Variants in BRAF observed in about 807,000 individuals in gnomAD.
BRAF encodes B-Raf proto-oncogene, serine/threonine kinase, also known as serine/threonine-protein kinase B-raf.
BRAF carries 16 observed loss-of-function variants against 104.6 expected under a neutral mutation model. The observed-to-expected ratio is 0.15, with a 90% confidence interval of 0.10 to 0.23. The LOEUF (loss-of-function observed/expected upper bound fraction) is 0.23. Among genes scored for constraint, BRAF ranks in the 10% least tolerant of loss-of-function variants. BRAF has a pLI of 1.00. For synonymous variants in BRAF, 310 were observed against 341.6 expected (o/e 0.91, Z 1.02); for missense variants, 541 against 937.3 (o/e 0.58, Z 5.52).
chr7:140,908,786 C>T (rs754785844), intron 1 of BRAF, among the ~76,000 whole-genome samples: 1 of 151,156 alleles, frequency 6.6e-6, no homozygotes, highest in Non-Finnish European at 1.5e-5. Context: ...TTGACTGTCA[C>T]TTTAGATGAA....
intron 1 of BRAF, among the ~76,000 whole-genome samples, chr7:140,913,614 C>T (rs1417512584): frequency 6.6e-6 from 1 of 150,970 alleles, no homozygotes; most frequent in Non-Finnish European, 1.5e-5. Context: ...TCCAGAGTAG[C>T]TGGGATTACA....
At chr7:140,884,425 A>T (rs867621063) in intron 1 of BRAF, among the ~76,000 whole-genome samples, 12 of 108,352 alleles carry the variant, frequency 1.1e-4, no homozygotes, top group African/African-American at 4.0e-4. Context: ...TATATATATA[A>T]GATATGTGTG....
chr7:140,803,323 G>C (rs2129045436), intron 5 of BRAF, among the ~76,000 whole-genome samples: 1 of 152,308 alleles, frequency 6.6e-6, no homozygotes, highest in Middle Eastern at 3.4e-3. Flanking sequence ...GAGTGGAATT[G>C]GGGGTGGGAG....
intron 17 of BRAF, 119 bp downstream of exon 16, chr7:140,749,168 G>A: frequency 7.2e-7 from 1 of 1,385,952 alleles, no homozygotes; most frequent in Non-Finnish European, 1.0e-6. Context: ...TCTAAAACTG[G>A]TAACAAAAAA....
chr7:140,915,946 A>G (rs908729705), intron 1 of BRAF, among the ~76,000 whole-genome samples: 1 of 151,984 alleles, frequency 6.6e-6, no homozygotes, highest in African/African-American at 2.4e-5. Context: ...CAGGATTTCG[A>G]GACTAGCCTG....
intron 2 of BRAF, among the ~76,000 whole-genome samples, chr7:140,847,897 A>G (rs771156046): frequency 2.6e-5 from 4 of 152,146 alleles, no homozygotes; most frequent in Non-Finnish European, 5.9e-5. Context: ...GTGTATGTAC[A>G]TGTGTATATG....
chr7:140,738,122 G>C (rs930730920), intron 18 of BRAF, among the ~76,000 whole-genome samples: 8 of 152,002 alleles, frequency 5.3e-5, no homozygotes, highest in African/African-American at 1.9e-4. Context: ...TCCTGACTTA[G>C]AGAAACAAAT....
intron 17 of BRAF, among the ~76,000 whole-genome samples, chr7:140,746,223 G>A (rs1276886839): frequency 1.3e-5 from 2 of 152,008 alleles, no homozygotes; most frequent in African/African-American, 4.8e-5. Flanking sequence ...AAGAAGACAC[G>A]GCACTTCTAC....
At chr7:140,864,882 A>G (rs1810782064) in intron 1 of BRAF, among the ~76,000 whole-genome samples, 1 of 152,178 alleles carries the variant, frequency 6.6e-6, no homozygotes, top group South Asian at 2.1e-4. Flanking sequence ...AGTCACAAGT[A>G]GAGAAATCAG....
At chr7:140,780,962 G>A (rs1461943890) in intron 12 of BRAF, 3 of 151,812 alleles carry the variant, frequency 2.0e-5, no homozygotes, top group Non-Finnish European at 4.4e-5. Flanking sequence ...TTGAGACGGA[G>A]TCTCACTGTC....
At chr7:140,897,360 T>C (rs1016297183) in intron 1 of BRAF, among the ~76,000 whole-genome samples, 7 of 151,806 alleles carry the variant, frequency 4.6e-5, no homozygotes, top group African/African-American at 1.7e-4. Context: ...GAAAATAACA[T>C]CCCCCAAGAC....
chr7:140,795,830 C>G (rs1586191685), intron 7 of BRAF, among the ~76,000 whole-genome samples: 1 of 151,886 alleles, frequency 6.6e-6, no homozygotes, highest in African/African-American at 2.4e-5. Flanking sequence ...AAGAAACAAG[C>G]CTTTAGGAAA....
At chr7:140,801,596 C>T (rs1418168474) in intron 5 of BRAF, 36 bp from the exon 6 acceptor site, 2 of 1,598,458 alleles carry the variant, frequency 1.3e-6, no homozygotes, top group African/African-American at 2.7e-5. Context: ...TTCAAAAACT[C>T]ACAAGAAAAC....
At chr7:140,798,677 A>G (rs958352145) in intron 7 of BRAF, among the ~76,000 whole-genome samples, 2 of 150,888 alleles carry the variant, frequency 1.3e-5, no homozygotes, top group African/African-American at 4.9e-5. Flanking sequence ...AAAGCTAATT[A>G]GGTGCAGTGT....
chr7:140,803,336 A>G (rs1803321883), intron 5 of BRAF, among the ~76,000 whole-genome samples: 2 of 152,208 alleles, frequency 1.3e-5, no homozygotes, highest in Admixed American at 1.3e-4. Flanking sequence ...GGTGGGAGGG[A>G]GAGAGACTAT....
At position 140,798,272 on chromosome 7, in the gene BRAF, C is replaced by CTTTT. The variant is rs10525418; in HGVS notation, c.980+2086_980+2089dup. Among the ~76,000 whole-genome samples, 8 of 115,614 alleles carry CTTTT rather than the reference C, an allele frequency of 6.9e-5. 2 individuals are homozygous for CTTTT. Among genetic ancestry groups the CTTTT allele is most frequent in the Middle Eastern group, 0.011 (2 of 176 alleles). 75.8% of individuals were successfully genotyped at this position (115,614 alleles called of 152,430 possible). A position where few individuals can be genotyped will look rare whatever the true frequency, so the allele number is the denominator to read the frequency against. Reference sequence around the variant, plus strand: ...AATGCTGTATGGGGACTTTTTTTTTCTTTTTTTTGAGACGGAGTCTTGCTC... The same window carrying CTTTT: ...AATGCTGTATGGGGACTTTTTTTTTCTTTTTTTTTTTTGAGACGGAGTCTTGCTC... On this transcript the variant is annotated intron_variant, in intron 7 of 19. Transcript: ENST00000644969.
intron 5 of BRAF, among the ~76,000 whole-genome samples, chr7:140,802,109 G>C (rs934669417): frequency 1.3e-5 from 2 of 151,968 alleles, no homozygotes; most frequent in African/African-American, 4.8e-5. Flanking sequence ...AGTTAATAAA[G>C]CAAGAAATTG....
intron 2 of BRAF, among the ~76,000 whole-genome samples, chr7:140,845,995 T>C (rs1201997845): frequency 1.3e-5 from 2 of 152,130 alleles, no homozygotes. Flanking sequence ...ATGGTTTTTT[T>C]AATCAACCGA....
At position 140,784,017 on chromosome 7, in the gene BRAF, A is replaced by C. The variant is rs766432719; in HGVS notation, c.1298-860T>G. Among the ~76,000 whole-genome samples the C allele has an allele frequency of 1.8e-4, 28 of 152,302 alleles. 1 individual carries two copies. Among genetic ancestry groups the C allele is most frequent in the Middle Eastern group, 6.8e-3 (2 of 294 alleles). On this transcript the variant is annotated intron_variant, in intron 10 of 19. Coordinates refer to ENST00000644969, the MANE Select transcript of BRAF (RefSeq NM_001374258.1). Reference sequence around the variant, plus strand: ...ACATCCTGAGTTAAGGTACAGTAGCACCTGGTTCAGAAGAGTTCAGGGCAG... The same window carrying C: ...ACATCCTGAGTTAAGGTACAGTAGCCCCTGGTTCAGAAGAGTTCAGGGCAG...
Sources: gnomAD v4.1 joint callset for allele counts (sites outside exome capture counted in the v4.1 genomes callset) on GRCh38, gnomAD v4.1.1 for gene constraint, MANE v1.5 for transcripts, NCBI Gene and HGNC (gene_info 2026-07-23, HGNC 2026-07-21) for gene names.